The following SCNN1B variants were observed in gnomAD, a reference collection of about 807,000 sequenced individuals.
SCNN1B encodes the protein epithelial sodium channel subunit beta.
Under a neutral mutation model 65.3 loss-of-function variants are expected in SCNN1B, and 46 were observed. The ratio of observed to expected loss-of-function variants is 0.70; its 90% CI spans 0.56 to 0.90. The LOEUF (loss-of-function observed/expected upper bound fraction) is 0.90, where lower values mean the gene tolerates loss of function less well. SCNN1B is among the 40% of genes least tolerant of loss of function. SCNN1B has a pLI of 0.00. For missense variants in SCNN1B, 751 were observed against 830.5 expected (o/e 0.90, Z 1.18); for synonymous variants, 349 against 330.6 (o/e 1.06, Z -0.60).
At chr16:23,340,930 G>A (rs1010381174) in intron 1 of SCNN1B, among the ~76,000 whole-genome samples, 1 of 151,934 alleles carries the variant, frequency 6.6e-6, no homozygotes, top group Non-Finnish European at 1.5e-5. Flanking sequence ...GTGTACACAT[G>A]CATGTGTGTC....
chr16:23,305,126 A>AG (rs1488946762), intron 1 of SCNN1B, among the ~76,000 whole-genome samples: 2 of 152,124 alleles, frequency 1.3e-5, no homozygotes, highest in East Asian at 3.9e-4. Context: ...AGCCAAGCCC[A>AG]GCTTACTGTG....
intron 10 of SCNN1B, among the ~76,000 whole-genome samples, chr16:23,378,367 T>C (rs1168778251): frequency 6.6e-6 from 1 of 152,140 alleles, no homozygotes; most frequent in African/African-American, 2.4e-5. Flanking sequence ...AAGGTGACAT[T>C]GGAGCTGACA....
At chr16:23,302,768 C>T (rs757179805) in intron 1 of SCNN1B, among the ~76,000 whole-genome samples, 1 of 152,158 alleles carries the variant, frequency 6.6e-6, no homozygotes, top group African/African-American at 2.4e-5. Flanking sequence ...CAAGAGGTGA[C>T]AACAATGAAA....
chr16:23,303,970 C>A, intron 1 of SCNN1B: 1 of 959,876 alleles, frequency 1.0e-6, no homozygotes, highest in Non-Finnish European at 1.6e-6. Flanking sequence ...TGTCATTCTG[C>A]AACTTGAGCC....
intron 1 of SCNN1B, among the ~76,000 whole-genome samples, chr16:23,308,586 T>C (rs960460079): frequency 1.3e-5 from 2 of 152,176 alleles, no homozygotes; most frequent in Admixed American, 1.3e-4. Flanking sequence ...ACTCTCAGAA[T>C]GAGCCTTGCA....
chr16:23,299,635 A>G (rs1485477065), upstream of SCNN1B, among the ~76,000 whole-genome samples: 1 of 152,226 alleles, frequency 6.6e-6, no homozygotes, highest in Non-Finnish European at 1.5e-5. Context: ...TCAAAACCAC[A>G]ATGAGATACC....
chr16:23,287,405 G>T (rs1050867887), intron 2 of SCNN1B, among the ~76,000 whole-genome samples: 2 of 151,998 alleles, frequency 1.3e-5, no homozygotes, highest in African/African-American at 4.8e-5. Flanking sequence ...CATTTTGAGG[G>T]TGACCGGGGA....
upstream of SCNN1B, among the ~76,000 whole-genome samples, chr16:23,300,629 TA>T (rs552827310): frequency 1.0e-3 from 158 of 151,982 alleles, 1 homozygote; most frequent in African/African-American, 3.6e-3. Flanking sequence ...TGAGGCCAGG[TA>T]TTTGAGACCA....
At chr16:23,368,684 G>A (rs188230857) in intron 5 of SCNN1B, among the ~76,000 whole-genome samples, 47 of 152,320 alleles carry the variant, frequency 3.1e-4, no homozygotes, top group Admixed American at 1.6e-3. Context: ...GAGTCATTAC[G>A]ATGTAATGTG....
intron 1 of SCNN1B, among the ~76,000 whole-genome samples, chr16:23,318,557 C>T (rs8052886): frequency 0.2 from 29,956 of 152,072 alleles, 3,335 homozygotes; most frequent in Middle Eastern, 0.33. Flanking sequence ...TGCAGTGAGC[C>T]GAGATTGCGC....
chr16:23,283,304 G>A (rs1184569061), intron 1 of SCNN1B, among the ~76,000 whole-genome samples: 6 of 152,140 alleles, frequency 3.9e-5, no homozygotes, highest in South Asian at 2.1e-4. Flanking sequence ...CCAGCTACTC[G>A]GGAGGCTGAG....
At chr16:23,351,421 T>A (rs1962306274) in intron 2 of SCNN1B, among the ~76,000 whole-genome samples, 1 of 152,176 alleles carries the variant, frequency 6.6e-6, no homozygotes, top group Non-Finnish European at 1.5e-5. Flanking sequence ...CCCATCAAGC[T>A]TCCCAGAAGC....
At chr16:23,341,569 C>T (rs1962055640) in intron 1 of SCNN1B, among the ~76,000 whole-genome samples, 1 of 152,030 alleles carries the variant, frequency 6.6e-6, no homozygotes. Context: ...TGTTAAGGGA[C>T]TTGTGTATAG....
At chr16:23,375,595 G>A in intron 7 of SCNN1B, 143 bp from the exon 8 acceptor site, 1 of 755,062 alleles carries the variant, frequency 1.3e-6, no homozygotes, top group Non-Finnish European at 2.4e-6. Context: ...TCTCACCACA[G>A]CTTCTCAGCC....
intron 1 of SCNN1B, among the ~76,000 whole-genome samples, chr16:23,337,073 C>G (rs1267920631): frequency 1.3e-5 from 2 of 152,094 alleles, no homozygotes; most frequent in Non-Finnish European, 2.9e-5. Context: ...ATTTTTTAGA[C>G]AGTGTCTTGC....
At chr16:23,349,409 C>G (rs1261430081) in intron 2 of SCNN1B, among the ~76,000 whole-genome samples, 2 of 152,106 alleles carry the variant, frequency 1.3e-5, no homozygotes, top group Middle Eastern at 3.2e-3. Flanking sequence ...ACTGCTTGAG[C>G]CCAGGAGCTC....
intron 4 of SCNN1B, among the ~76,000 whole-genome samples, chr16:23,357,738 G>A (rs1414107367): frequency 6.6e-6 from 1 of 152,156 alleles, no homozygotes; most frequent in African/African-American, 2.4e-5. Flanking sequence ...TTGACTGATG[G>A]CGCCCTGCTG....
chr16:23,341,619 A>T (rs1962056597), intron 1 of SCNN1B, among the ~76,000 whole-genome samples: 1 of 152,334 alleles, frequency 6.6e-6, no homozygotes, highest in Non-Finnish European at 1.5e-5. Flanking sequence ...ATAAAAAGAT[A>T]AATAGCCCAG....
intron 1 of SCNN1B, among the ~76,000 whole-genome samples, chr16:23,343,580 AG>A (rs1344914486): frequency 3.5e-5 from 4 of 115,570 alleles, no homozygotes; most frequent in South Asian, 3.3e-4. Flanking sequence ...AGAAAGAAAA[AG>A]AGAAAGAAAG....
Sources: allele counts gnomAD v4.1 joint callset (sites outside exome capture counted in the v4.1 genomes callset), GRCh38; gene constraint gnomAD v4.1.1; transcripts MANE v1.5; gene names NCBI Gene and HGNC (gene_info 2026-07-23, HGNC 2026-07-21).